CDC42SE2: variants seen among roughly 807,000 people sequenced by gnomAD.
CDC42SE2 encodes the protein CDC42 small effector protein 2.
Under a neutral mutation model 11.5 loss-of-function variants are expected in CDC42SE2, and 3 were observed. The ratio of observed to expected loss-of-function variants is 0.26; its 90% CI spans 0.12 to 0.67. The LOEUF is 0.67. Among genes scored for constraint, CDC42SE2 ranks in the 30% least tolerant of loss-of-function variants. The probability of loss-of-function intolerance (pLI) is 0.80; values close to 1 mark genes in which losing one functional copy is unlikely to be tolerated. For missense variants in CDC42SE2, 82 were observed against 106.8 expected, an observed-to-expected ratio of 0.77 and a Z score of 1.02; for synonymous variants, 33 against 34.8, an observed-to-expected ratio of 0.95 and a Z score of 0.18.
intron 3 of CDC42SE2, among the ~76,000 whole-genome samples, chr5:131,366,848 A>G (rs1187688107): frequency 1.3e-5 from 2 of 151,918 alleles, no homozygotes; most frequent in African/African-American, 2.4e-5. Flanking sequence ...GTAACATAGT[A>G]GGACCTTGTC....
chr5:131,281,971 G>A (rs1451957722), intron 1 of CDC42SE2, among the ~76,000 whole-genome samples: 4 of 152,104 alleles, frequency 2.6e-5, no homozygotes, highest in African/African-American at 9.7e-5. Flanking sequence ...ATACCATATC[G>A]TTTTAAAATG....
intron 1 of CDC42SE2, among the ~76,000 whole-genome samples, chr5:131,308,464 T>A (rs1757826034): frequency 6.6e-6 from 1 of 152,018 alleles, no homozygotes; most frequent in South Asian, 2.1e-4. Context: ...GAAAGTAGTT[T>A]TTTCCAATTC....
chr5:131,321,943 C>T (rs754980954), intron 2 of CDC42SE2, among the ~76,000 whole-genome samples: 7 of 152,290 alleles, frequency 4.6e-5, no homozygotes, highest in Non-Finnish European at 8.8e-5. Flanking sequence ...CTCCGCCTCC[C>T]GGGTTCATGC....
chr5:131,336,455 T>A (rs1167172826), intron 2 of CDC42SE2, among the ~76,000 whole-genome samples: 1 of 152,128 alleles, frequency 6.6e-6, no homozygotes, highest in African/African-American at 2.4e-5. Flanking sequence ...TGTCTTGGAG[T>A]TGCTCTTCTC....
intron 2 of CDC42SE2, among the ~76,000 whole-genome samples, chr5:131,332,871 C>G (rs1758455216): frequency 6.6e-6 from 1 of 152,116 alleles, no homozygotes; most frequent in Non-Finnish European, 1.5e-5. Context: ...GATATTAGCC[C>G]TGTGTCAGAT....
chr5:131,253,466 C>A (rs1756656770), intron 1 of CDC42SE2, among the ~76,000 whole-genome samples: 1 of 152,154 alleles, frequency 6.6e-6, no homozygotes, highest in African/African-American at 2.4e-5. Context: ...AAAGACCATT[C>A]TTTAGAACTT....
chr5:131,352,395 A>G (rs879484563), intron 2 of CDC42SE2, among the ~76,000 whole-genome samples: 6 of 152,224 alleles, frequency 3.9e-5, no homozygotes, highest in Non-Finnish European at 5.9e-5. Flanking sequence ...CAACATAGGT[A>G]AATCTTAAAA....
chr5:131,346,584 G>C (rs1005392225), intron 2 of CDC42SE2, among the ~76,000 whole-genome samples: 1 of 152,170 alleles, frequency 6.6e-6, no homozygotes, highest in Non-Finnish European at 1.5e-5. Context: ...GTCAGCATTA[G>C]ACAGATCAAT....
At chr5:131,285,050 G>A (rs1757312835) in intron 1 of CDC42SE2, among the ~76,000 whole-genome samples, 1 of 151,816 alleles carries the variant, frequency 6.6e-6, no homozygotes, top group Admixed American at 6.6e-5. Flanking sequence ...CACTTTGGGA[G>A]GACAAGGTGG....
chr5:131,283,757 T>G (rs1399092603), intron 1 of CDC42SE2, among the ~76,000 whole-genome samples: 4 of 152,178 alleles, frequency 2.6e-5, no homozygotes, highest in African/African-American at 9.7e-5. Context: ...CCTGCCAAAG[T>G]GCTGGGATTA....
At chr5:131,216,705 T>C in the CDC42SE2 span, among the ~76,000 whole-genome samples, 2 of 151,994 alleles carry the variant, frequency 1.3e-5, no homozygotes, top group African/African-American at 4.8e-5. Flanking sequence ...GGTGCAAACA[T>C]CCCTAACCTT....
chr5:131,393,217 T>C lies in CDC42SE2; in HGVS notation c.*2126T>C, dbSNP rs1397836041. On this transcript the variant is annotated 3_prime_UTR_variant, in exon 5 of 5. Coordinates refer to ENST00000505065, the MANE Select transcript of CDC42SE2 (RefSeq NM_001375635.1). ...CTTGGAATAAAGGAACAGGGATCACTTTATCTTCTGCCTTCATTTACCTTA... is the reference window on the plus strand; with the variant it reads ...CTTGGAATAAAGGAACAGGGATCACCTTATCTTCTGCCTTCATTTACCTTA... 2 of 152,376 alleles carry C rather than the reference T, an allele frequency of 1.3e-5. No homozygotes were observed. The highest frequency in any genetic ancestry group is 4.8e-5 in the African/African-American group (2 of 41,458). 9.4% of individuals were successfully genotyped at this position (152,376 alleles called of 1,614,324 possible).
the CDC42SE2 span, among the ~76,000 whole-genome samples, chr5:131,213,000 G>A: frequency 6.6e-6 from 1 of 152,150 alleles, no homozygotes; most frequent in Non-Finnish European, 1.5e-5. Flanking sequence ...AGACCAGCCT[G>A]ACCAATATGG....
intron 1 of CDC42SE2, among the ~76,000 whole-genome samples, chr5:131,247,577 C>T (rs545640683): frequency 1.3e-5 from 2 of 152,032 alleles, no homozygotes; most frequent in South Asian, 4.1e-4. Flanking sequence ...TGAGAATGCA[C>T]CACCGCACTC....
chr5:131,265,624 C>CTAA (rs1756843932), intron 1 of CDC42SE2, among the ~76,000 whole-genome samples: 1 of 152,180 alleles, frequency 6.6e-6, no homozygotes, highest in South Asian at 2.1e-4. Context: ...CTGTCTTAAA[C>CTAA]CCCTAGTGGC....
upstream of CDC42SE2, among the ~76,000 whole-genome samples, chr5:131,244,225 G>A (rs555015620): frequency 1.3e-5 from 2 of 152,224 alleles, no homozygotes; most frequent in Admixed American, 6.5e-5. Flanking sequence ...CTACAAATAC[G>A]ATTAGACAAA....
chr5:131,256,489 C>G (rs1345448268), intron 2 of CDC42SE2, among the ~76,000 whole-genome samples: 1 of 152,206 alleles, frequency 6.6e-6, no homozygotes, highest in Admixed American at 6.5e-5. Flanking sequence ...TTAGTTCATA[C>G]TCTCTGTTGG....
At chr5:131,324,734 A>G (rs1758262010) in intron 2 of CDC42SE2, among the ~76,000 whole-genome samples, 2 of 152,308 alleles carry the variant, frequency 1.3e-5, no homozygotes. Context: ...CAATAAGAGT[A>G]GCTATATTAT....
upstream of CDC42SE2, among the ~76,000 whole-genome samples, chr5:131,262,298 G>C (rs1431728552): frequency 6.6e-6 from 1 of 151,792 alleles, no homozygotes; most frequent in Non-Finnish European, 1.5e-5. Context: ...TGCATTAAAA[G>C]TCAAGTAAAT....
Sources: allele counts gnomAD v4.1 joint callset (sites outside exome capture counted in the v4.1 genomes callset), GRCh38; gene constraint gnomAD v4.1.1; transcripts MANE v1.5; gene names NCBI Gene and HGNC (gene_info 2026-07-23, HGNC 2026-07-21).